The following CSMD1 variants were observed in gnomAD, a reference collection of about 807,000 sequenced individuals.
CSMD1 encodes the protein CUB and Sushi multiple domains 1.
Under a neutral mutation model 417.5 loss-of-function variants are expected in CSMD1, and 213 were observed. That is an observed-to-expected ratio of 0.51 (90% CI 0.46 to 0.57). The LOEUF (loss-of-function observed/expected upper bound fraction) is 0.57, where lower values mean the gene tolerates loss of function less well. CSMD1 is among the 20% of genes least tolerant of loss of function. The pLI, the probability that CSMD1 is intolerant of heterozygous loss-of-function variation, is 0.00. For synonymous variants in CSMD1, 2,862 were observed against 1,736.8 expected (o/e 1.65, Z -16.11); for missense variants, 6,923 against 4,529.7 (o/e 1.53, Z -15.17).
intron 7 of CSMD1, among the ~76,000 whole-genome samples, chr8:3,650,871 T>C (rs10105628): frequency 0.027 from 4,161 of 152,260 alleles, 207 homozygotes; most frequent in African/African-American, 0.091. Context: ...ACTATGACTA[T>C]GTAACATCTC....
intron 12 of CSMD1, among the ~76,000 whole-genome samples, chr8:3,452,205 G>A (rs1359186052): frequency 1.3e-5 from 2 of 152,202 alleles, no homozygotes; most frequent in African/African-American, 2.4e-5. Context: ...ATCAGCTTAA[G>A]GAGATTTTGG....
At chr8:4,393,610 G>A (rs1014714912) in intron 3 of CSMD1, among the ~76,000 whole-genome samples, 1 of 152,148 alleles carries the variant, frequency 6.6e-6, no homozygotes, top group Admixed American at 6.5e-5. Flanking sequence ...GTTTGGTAAA[G>A]TGTCATTGAT....
At position 3,307,736 on chromosome 8, in the gene CSMD1, G is replaced by C. The variant is rs186781953; in HGVS notation, c.3909C>G (p.His1303Gln). ...GYPAPYDNNLHCTWIIEADPG... is the reference protein window; with the variant it reads ...GYPAPYDNNLQCTWIIEADPG... ...GGTCTGCCTCTATAATCCAGGTGCA[G>C]TGGAGGTTGTTGTCATACGGAGCTG... Residue 1303 changes from histidine to glutamine, a missense_variant, in exon 25 of 70, where the codon CAC becomes CAG. Coordinates refer to ENST00000635120, the MANE Select transcript of CSMD1 (RefSeq NM_033225.6). The C allele has an allele frequency of 1.2e-6, 2 of 1,613,790 alleles. No homozygotes were observed. The highest frequency in any genetic ancestry group is 1.7e-5 in the Admixed American group (1 of 60,020).
At chr8:4,838,134 G>T (rs555095569) in intron 1 of CSMD1, among the ~76,000 whole-genome samples, 8 of 151,982 alleles carry the variant, frequency 5.3e-5, no homozygotes, top group Admixed American at 3.3e-4. Flanking sequence ...TTTTTTTAAA[G>T]CAAGGGGGAA....
At chr8:3,402,327 T>C (rs1224840316) in intron 15 of CSMD1, among the ~76,000 whole-genome samples, 2 of 152,210 alleles carry the variant, frequency 1.3e-5, no homozygotes, top group African/African-American at 4.8e-5. Flanking sequence ...TCATTTTTGG[T>C]ATTTTATCTT....
At chr8:4,392,636 TG>T (rs1037970761) in intron 3 of CSMD1, among the ~76,000 whole-genome samples, 1 of 151,012 alleles carries the variant, frequency 6.6e-6, no homozygotes, top group Non-Finnish European at 1.5e-5. Context: ...AGGGGTTTTT[TG>T]GGGGGGAGGG....
intron 17 of CSMD1, among the ~76,000 whole-genome samples, chr8:3,390,994 T>C (rs1015508029): frequency 1.3e-5 from 2 of 152,198 alleles, no homozygotes; most frequent in South Asian, 2.1e-4. Flanking sequence ...TTTACTGATA[T>C]TGAAACCTGA....
chr8:4,751,722 C>T (rs1301273407), intron 1 of CSMD1, among the ~76,000 whole-genome samples: 1 of 152,150 alleles, frequency 6.6e-6, no homozygotes, highest in Admixed American at 6.5e-5. Flanking sequence ...TTTATTTTCC[C>T]TGTCAGTCTG....
chr8:4,580,434 A>C (rs568535795), intron 2 of CSMD1, among the ~76,000 whole-genome samples: 53 of 152,228 alleles, frequency 3.5e-4, no homozygotes, highest in Non-Finnish European at 6.0e-4. Flanking sequence ...GCATAAAAAA[A>C]ACTATTGCAT....
chr8:4,048,680 G>C (rs539795671), intron 3 of CSMD1, among the ~76,000 whole-genome samples: 11 of 152,248 alleles, frequency 7.2e-5, no homozygotes, highest in South Asian at 2.1e-4. Flanking sequence ...AGTGTGATTG[G>C]ATCAATGTGC....
chr8:3,878,558 T>C (rs1033244405), intron 5 of CSMD1, among the ~76,000 whole-genome samples: 1 of 152,166 alleles, frequency 6.6e-6, no homozygotes, highest in Admixed American at 6.5e-5. Context: ...AGATAGGAAG[T>C]ATAGAAAAAA....
chr8:3,673,224 A>G (rs766077401), intron 7 of CSMD1, among the ~76,000 whole-genome samples: 51 of 152,326 alleles, frequency 3.3e-4, no homozygotes, highest in Admixed American at 9.2e-4. Context: ...ATGAACCACA[A>G]TAAACATTTC....
intron 3 of CSMD1, among the ~76,000 whole-genome samples, chr8:4,311,323 A>G (rs1047810748): frequency 1.3e-5 from 2 of 152,246 alleles, no homozygotes; most frequent in South Asian, 4.1e-4. Context: ...GCAGCCATAA[A>G]AAGGAATGCG....
intron 1 of CSMD1, among the ~76,000 whole-genome samples, chr8:4,985,888 G>A (rs116397087): frequency 1.5e-3 from 226 of 152,298 alleles, no homozygotes; most frequent in African/African-American, 4.9e-3. Context: ...GGGGAAAAGA[G>A]ACACAACAAG....
intron 49 of CSMD1, among the ~76,000 whole-genome samples, chr8:3,073,836 T>C (rs1813467364): frequency 6.6e-6 from 1 of 152,042 alleles, no homozygotes; most frequent in African/African-American, 2.4e-5. Flanking sequence ...ATCAAATGAA[T>C]GAAAATGGAA....
intron 3 of CSMD1, among the ~76,000 whole-genome samples, chr8:4,403,075 C>T (rs1355483054): frequency 2.6e-5 from 4 of 151,910 alleles, no homozygotes; most frequent in Non-Finnish European, 4.4e-5. Context: ...TCGTGATCCG[C>T]TCGCCTCAGC....
intron 41 of CSMD1, among the ~76,000 whole-genome samples, chr8:3,141,797 T>C (rs1341988977): frequency 1.2e-5 from 1 of 85,258 alleles, no homozygotes; most frequent in Non-Finnish European, 2.5e-5. Flanking sequence ...CCCGCCAAAT[T>C]ATCTTTTTTT....
At chr8:3,780,697 C>A (rs558768278) in intron 5 of CSMD1, among the ~76,000 whole-genome samples, 8 of 152,314 alleles carry the variant, frequency 5.3e-5, no homozygotes, top group Middle Eastern at 3.4e-3. Flanking sequence ...GCAGAAAGAG[C>A]CCAGCCTGGT....
chr8:4,396,861 C>G (rs1213697580), intron 3 of CSMD1, among the ~76,000 whole-genome samples: 1 of 151,892 alleles, frequency 6.6e-6, no homozygotes, highest in African/African-American at 2.4e-5. Context: ...AATGATACAA[C>G]AACTTTCAGG....
Sources: gnomAD v4.1 joint callset for allele counts (sites outside exome capture counted in the v4.1 genomes callset) on GRCh38, gnomAD v4.1.1 for gene constraint, MANE v1.5 for transcripts, NCBI Gene and HGNC (gene_info 2026-07-23, HGNC 2026-07-21) for gene names.